IGSF21: variants seen among roughly 807,000 people sequenced by gnomAD.
IGSF21 encodes the protein immunoglobulin superfamily member 21.
A neutral mutation model predicts 46.8 loss-of-function variants in IGSF21; 28 were observed. The ratio of observed to expected loss-of-function variants is 0.60; its 90% CI spans 0.44 to 0.82. IGSF21 has a LOEUF of 0.82. Ranked by LOEUF, IGSF21 falls within the 40% of genes least tolerant of loss-of-function variation. The pLI is 0.00. For missense variants in IGSF21, 624 were observed against 665.5 expected (o/e 0.94, Z 0.69); for synonymous variants, 284 against 273.6 (o/e 1.04, Z -0.38).
intron 2 of IGSF21, among the ~76,000 whole-genome samples, chr1:18,261,595 G>C (rs890992940): frequency 6.6e-6 from 1 of 152,234 alleles, no homozygotes; most frequent in Non-Finnish European, 1.5e-5. Context: ...GTGCACAACT[G>C]CCTCTGAGCT....
Position 18,242,182 on chromosome 1 carries a change from C to T in IGSF21, c.183+14172C>T, listed in dbSNP as rs559152986. ...CCCTGCAGAGATGACACAGGCAGCA[C>T]GGTTCACCTACTCTGAGATGACACA... On this transcript the variant is annotated intron_variant, in intron 2 of 9. Coordinates refer to ENST00000251296, the MANE Select transcript of IGSF21 (RefSeq NM_032880.5). Among the ~76,000 whole-genome samples the T allele has an allele frequency of 8.5e-5, 13 of 152,286 alleles. No homozygotes were observed. In the South Asian group the frequency reaches 1.9e-3, roughly 22 times the overall value.
Position 18,365,076 on chromosome 1 carries a change from A to C in IGSF21, c.541-147A>C. On this transcript the variant is annotated intron_variant, in intron 5 of 9. Coordinates refer to ENST00000251296, the MANE Select transcript of IGSF21 (RefSeq NM_032880.5). This position sits in a 1 kb window ranked among gnomAD's most constrained non-coding sequence, Gnocchi z 4.8. ...TGGCTCATAGTTCTTGGGGGTGTTG[A>C]AGGGAAAAGAGTGGGGTGAGGGCTA... 1 of 639,210 alleles carries C rather than the reference A, an allele frequency of 1.6e-6. No individual in the cohort carries two copies. The highest frequency in any genetic ancestry group is 1.9e-5 in the South Asian group (1 of 51,380). The allele number at this position is 639,210 out of a possible 1,614,324, so 39.6% of individuals were successfully genotyped here.
intron 1 of IGSF21, among the ~76,000 whole-genome samples, chr1:18,223,497 A>T (rs1396557112): frequency 6.6e-6 from 1 of 152,226 alleles, no homozygotes; most frequent in African/African-American, 2.4e-5. Context: ...TCCATGAGGC[A>T]TGGAATGAGG....
At chr1:18,169,897 T>G (rs1570293947) in intron 1 of IGSF21, among the ~76,000 whole-genome samples, 1 of 150,210 alleles carries the variant, frequency 6.7e-6, no homozygotes, top group African/African-American at 2.5e-5. Flanking sequence ...TGGAGCAGGG[T>G]TTTTTGGCGG....
intron 1 of IGSF21, among the ~76,000 whole-genome samples, chr1:18,224,636 C>T (rs2084543548): frequency 6.6e-6 from 1 of 152,066 alleles, no homozygotes; most frequent in Admixed American, 6.6e-5. Context: ...GGAATAGATT[C>T]TCAATTAATT....
chr1:18,138,562 G>GT (rs1431322215), intron 1 of IGSF21, among the ~76,000 whole-genome samples: 1 of 152,158 alleles, frequency 6.6e-6, no homozygotes, highest in African/African-American at 2.4e-5. Flanking sequence ...AACTGATGCG[G>GT]TTTTCACTTT....
intron 1 of IGSF21, among the ~76,000 whole-genome samples, chr1:18,117,763 A>T (rs1351963241): frequency 6.6e-6 from 1 of 152,226 alleles, no homozygotes; most frequent in Admixed American, 6.5e-5. Context: ...CATGTGGATC[A>T]CTGGAAGAAC....
intron 2 of IGSF21, among the ~76,000 whole-genome samples, chr1:18,272,594 C>T (rs2085053221): frequency 6.6e-6 from 1 of 152,240 alleles, no homozygotes; most frequent in Non-Finnish European, 1.5e-5. Context: ...AGATCCATCA[C>T]CCATGTGACC....
chr1:18,334,664 A>G lies in IGSF21; in HGVS notation c.306-228A>G, dbSNP rs994416718. ...ACTGCTCCAGGACCCACTGAGCACAAATTGGGCTCTGGCTGAACACAGTCC... is the reference window on the plus strand; with the variant it reads ...ACTGCTCCAGGACCCACTGAGCACAGATTGGGCTCTGGCTGAACACAGTCC... On this transcript the variant is annotated intron_variant, in intron 3 of 9. Coordinates refer to ENST00000251296, the MANE Select transcript of IGSF21 (RefSeq NM_032880.5). The surrounding 1 kb of genome is among the most constrained non-coding windows in gnomAD (Gnocchi z 4.3). Among the ~76,000 whole-genome samples, 2 of 152,154 alleles carry G rather than the reference A, an allele frequency of 1.3e-5. No individual in the cohort carries two copies. The highest frequency in any genetic ancestry group is 4.8e-5 in the African/African-American group (2 of 41,436).
At position 18,326,048 on chromosome 1, in the gene IGSF21, CT is replaced by C. The variant is rs562760402; in HGVS notation, c.306-8836del. Among the ~76,000 whole-genome samples the C allele has an allele frequency of 2.6e-3, 380 of 148,326 alleles. 2 individuals are homozygous for C. Among genetic ancestry groups the C allele is most frequent in the Non-Finnish European group, 4.4e-3 (300 of 67,878 alleles). ...ACCTCTTCCCCGCCCATGCCCCCCC[CT>C]TTTTTTTCCAGGGAGTAGCAAACCT... On this transcript the variant is annotated intron_variant, in intron 3 of 9. Coordinates refer to ENST00000251296, the MANE Select transcript of IGSF21 (RefSeq NM_032880.5).
At chr1:18,118,105 C>T (rs1297754355) in intron 1 of IGSF21, among the ~76,000 whole-genome samples, 3 of 152,184 alleles carry the variant, frequency 2.0e-5, no homozygotes, top group Non-Finnish European at 4.4e-5. Context: ...TTGGGAGTCG[C>T]CACGGAGAGA....
At chr1:18,204,966 T>C (rs1215475738) in intron 1 of IGSF21, among the ~76,000 whole-genome samples, 7 of 152,342 alleles carry the variant, frequency 4.6e-5, no homozygotes. Context: ...AAACTGATGT[T>C]GGACACACAG....
chr1:18,215,565 G>A (rs2084435929), intron 1 of IGSF21, among the ~76,000 whole-genome samples: 1 of 152,308 alleles, frequency 6.6e-6, no homozygotes, highest in African/African-American at 2.4e-5. Flanking sequence ...ACATAGCGAA[G>A]TGATGGGGGC....
chr1:18,285,511 A>G (rs745528446), intron 2 of IGSF21, among the ~76,000 whole-genome samples: 2 of 152,218 alleles, frequency 1.3e-5, no homozygotes, highest in Non-Finnish European at 2.9e-5. Context: ...TCAGGGCAGC[A>G]AAGAGTCCTC....
At chr1:18,242,665 T>C (rs568596347) in intron 2 of IGSF21, among the ~76,000 whole-genome samples, 1 of 152,354 alleles carries the variant, frequency 6.6e-6, no homozygotes, top group African/African-American at 2.4e-5. Context: ...AACGTTCCCC[T>C]TCAACCCTCT....
intron 1 of IGSF21, among the ~76,000 whole-genome samples, chr1:18,127,955 T>C (rs1053320938): frequency 1.3e-5 from 2 of 152,028 alleles, no homozygotes; most frequent in Non-Finnish European, 2.9e-5. Context: ...CCAAAGCATC[T>C]GACATCCATA....
intron 5 of IGSF21, among the ~76,000 whole-genome samples, chr1:18,363,737 G>A (rs1027108498): frequency 7.3e-5 from 11 of 150,338 alleles, no homozygotes; most frequent in African/African-American, 1.5e-4. Flanking sequence ...GGGCAGGGGA[G>A]TAGAGACACA....
intron 2 of IGSF21, among the ~76,000 whole-genome samples, chr1:18,252,029 A>G (rs1428933063): frequency 4.2e-5 from 6 of 142,302 alleles, no homozygotes; most frequent in African/African-American, 1.3e-4. Flanking sequence ...AGGCTGGAAC[A>G]CTTTCTGACC....
intron 1 of IGSF21, among the ~76,000 whole-genome samples, chr1:18,148,813 G>GA (rs1400285479): frequency 1.3e-5 from 2 of 152,088 alleles, no homozygotes; most frequent in East Asian, 3.8e-4. Flanking sequence ...ATAAGAAGTG[G>GA]AAAAAACAAG....
Sources: allele counts gnomAD v4.1 joint callset (sites outside exome capture counted in the v4.1 genomes callset), GRCh38; gene constraint gnomAD v4.1.1; non-coding constraint Gnocchi (gnomAD v3.1); transcripts MANE v1.5; gene names NCBI Gene and HGNC (gene_info 2026-07-23, HGNC 2026-07-21).